PRKAR2B: variants seen among roughly 807,000 people sequenced by gnomAD.
PRKAR2B encodes cAMP-dependent protein kinase type II-beta regulatory subunit.
Under a neutral mutation model 49.9 loss-of-function variants are expected in PRKAR2B, and 14 were observed. The ratio of observed to expected loss-of-function variants is 0.28; its 90% CI spans 0.19 to 0.44. PRKAR2B has a LOEUF of 0.44. Among genes scored for constraint, PRKAR2B ranks in the 20% least tolerant of loss-of-function variants. PRKAR2B has a pLI of 1.00. For synonymous variants in PRKAR2B, 196 were observed against 197.7 expected (o/e 0.99, Z 0.07); for missense variants, 393 against 537.9 (o/e 0.73, Z 2.67).
At chr7:107,061,574 T>C (rs1470197517) in intron 1 of PRKAR2B, among the ~76,000 whole-genome samples, 4 of 152,160 alleles carry the variant, frequency 2.6e-5, no homozygotes, top group Admixed American at 6.5e-5. Flanking sequence ...AAGACCCTAA[T>C]CAAACTGAGC....
chr7:107,046,350 A>G (rs548410021), intron 1 of PRKAR2B, among the ~76,000 whole-genome samples: 24 of 152,348 alleles, frequency 1.6e-4, no homozygotes, highest in African/African-American at 5.8e-4. Context: ...AGTGTATTTC[A>G]TAAAATGAAA....
intron 2 of PRKAR2B, among the ~76,000 whole-genome samples, chr7:107,086,536 A>G (rs971377315): frequency 2.0e-5 from 3 of 151,900 alleles, no homozygotes; most frequent in Non-Finnish European, 4.4e-5. Flanking sequence ...GTGCAGTGGC[A>G]TGATCTCAGC....
At chr7:107,045,803 A>G (rs1198189823) in intron 1 of PRKAR2B, among the ~76,000 whole-genome samples, 1 of 152,220 alleles carries the variant, frequency 6.6e-6, no homozygotes, top group African/African-American at 2.4e-5. Flanking sequence ...CAATTTACCA[A>G]TACCGTGTTG....
chr7:107,145,790 A>G (rs1298620142), intron 5 of PRKAR2B, among the ~76,000 whole-genome samples: 2 of 131,106 alleles, frequency 1.5e-5, no homozygotes, highest in African/African-American at 6.1e-5. Flanking sequence ...CCCAGGCTGG[A>G]GTGCAGTGGC....
rs570967400 is a variant in PRKAR2B at position 107,044,811 on chromosome 7, C to T, written c.-97C>T. 3.5e-5 allele frequency: 35 copies of T among 1,010,350 alleles called. No homozygotes were observed. In the African/African-American group the frequency reaches 5.5e-4, roughly 16 times the overall value. 62.6% of individuals were successfully genotyped at this position (1,010,350 alleles called of 1,614,324 possible). On this transcript the variant is annotated 5_prime_UTR_variant, in exon 1 of 11. Transcript: ENST00000265717. ...GCCGCGCTCGCAGCCGGTAGCGCGC[C>T]AGCGCCGTAGGCGCTCGCTCGGCAG... is the stretch of plus-strand genomic sequence containing the variant.
chr7:107,044,875 C>CGGCGCCCA lies in PRKAR2B; in HGVS notation c.-26_-19dup. 1 of 1,550,392 alleles carries CGGCGCCCA rather than the reference C, an allele frequency of 6.4e-7. No individual in the cohort carries two copies. The highest frequency in any genetic ancestry group is 8.7e-7 in the Non-Finnish European group (1 of 1,152,566). ...GGCCGTGCCGGGGAGGGGGCGAGGG[C>CGGCGCCCA]GGCGCCCAGGCGCCTGCCGCCCCGG... On this transcript the variant is annotated 5_prime_UTR_variant, in exon 1 of 11. Transcript: ENST00000265717.
At chr7:107,121,283 T>C (rs969058888) in intron 2 of PRKAR2B, among the ~76,000 whole-genome samples, 5 of 152,142 alleles carry the variant, frequency 3.3e-5, no homozygotes, top group Non-Finnish European at 7.4e-5. Context: ...TGAAGGTGTT[T>C]ACTGCAAAGT....
chr7:107,110,072 G>A (rs191452132), intron 2 of PRKAR2B, among the ~76,000 whole-genome samples: 8 of 152,322 alleles, frequency 5.3e-5, no homozygotes, highest in Admixed American at 1.3e-4. Flanking sequence ...AGCAGTGGCC[G>A]CATGGTGCAG....
At chr7:107,051,683 G>A (rs1793806907) in intron 1 of PRKAR2B, among the ~76,000 whole-genome samples, 1 of 151,988 alleles carries the variant, frequency 6.6e-6, no homozygotes, top group Admixed American at 6.6e-5. Context: ...AACAGTTGGT[G>A]TAACATTTAT....
At chr7:107,066,301 G>GGGGGGTGTGTGTGT (rs147673007) in intron 1 of PRKAR2B, among the ~76,000 whole-genome samples, 3 of 145,512 alleles carry the variant, frequency 2.1e-5, no homozygotes, top group African/African-American at 7.8e-5. Context: ...CTCTATGTGG[G>GGGGGGTGTGTGTGT]GTGTGTGTGT....
At chr7:107,153,089 C>T in intron 7 of PRKAR2B, 88 bp from the exon 8 acceptor site, 1 of 866,290 alleles carries the variant, frequency 1.2e-6, no homozygotes, top group South Asian at 1.8e-5. Context: ...TTTATTTGGC[C>T]TATAGGCTAC....
rs1029898861 is a variant in PRKAR2B, at chr7:107,044,757, G to A, written c.-151G>A. 5 of 290,282 alleles carry A rather than the reference G, an allele frequency of 1.7e-5. No individual in the cohort carries two copies. The highest frequency in any genetic ancestry group is 1.2e-4 in the South Asian group (1 of 8,348). The allele number at this position is 290,282 out of a possible 1,614,324, so 18.0% of individuals were successfully genotyped here. A position where few individuals can be genotyped will look rare whatever the true frequency, so the allele number is the denominator to read the frequency against. On this transcript the variant is annotated 5_prime_UTR_variant, in exon 1 of 11. Transcript: ENST00000265717. Reference sequence around the variant, plus strand: ...AGACGCGCGCCGGGAGCCGCGGGCCGGGCCAGCCGGGCCGCCGGGGCCCAG... The same window carrying A: ...AGACGCGCGCCGGGAGCCGCGGGCCAGGCCAGCCGGGCCGCCGGGGCCCAG...
chr7:107,145,568 G>T (rs1277580948), intron 5 of PRKAR2B, among the ~76,000 whole-genome samples: 1 of 152,006 alleles, frequency 6.6e-6, no homozygotes, highest in Admixed American at 6.5e-5. Flanking sequence ...TTCTTCAGAT[G>T]ATTTTCTTTC....
At chr7:107,056,475 A>G (rs1341253087) in intron 1 of PRKAR2B, among the ~76,000 whole-genome samples, 6 of 152,050 alleles carry the variant, frequency 3.9e-5, no homozygotes, top group African/African-American at 1.4e-4. Flanking sequence ...ATTTGTTTGT[A>G]TCCTCTTTTA....
chr7:107,065,074 G>A (rs1356415548), intron 1 of PRKAR2B, among the ~76,000 whole-genome samples: 1 of 152,110 alleles, frequency 6.6e-6, no homozygotes, highest in African/African-American at 2.4e-5. Flanking sequence ...ATCTTACATG[G>A]TTTCAATTTA....
intron 4 of PRKAR2B, among the ~76,000 whole-genome samples, chr7:107,132,277 G>A (rs966047282): frequency 5.9e-5 from 9 of 152,240 alleles, no homozygotes; most frequent in African/African-American, 2.2e-4. Context: ...GAGCTAAGAT[G>A]TGGATGCTTT....
chr7:107,127,531 A>G (rs1562865392), intron 3 of PRKAR2B, among the ~76,000 whole-genome samples: 2 of 152,196 alleles, frequency 1.3e-5, no homozygotes, highest in African/African-American at 2.4e-5. Context: ...AATATAGCAC[A>G]CTAGTTTCCT....
At chr7:107,053,515 GAT>G (rs906691150) in intron 1 of PRKAR2B, among the ~76,000 whole-genome samples, 15 of 141,678 alleles carry the variant, frequency 1.1e-4, no homozygotes, top group Middle Eastern at 3.6e-3. Flanking sequence ...CAAGCTTCTA[GAT>G]TATAAAGAGT....
chr7:107,142,986 C>T (rs1795816412), intron 5 of PRKAR2B, among the ~76,000 whole-genome samples: 1 of 152,168 alleles, frequency 6.6e-6, no homozygotes, highest in African/African-American at 2.4e-5. Flanking sequence ...TGGTCTCGAA[C>T]TCCTGCCTTC....
Sources: allele counts gnomAD v4.1 joint callset (sites outside exome capture counted in the v4.1 genomes callset), GRCh38; gene constraint gnomAD v4.1.1; transcripts MANE v1.5; gene names NCBI Gene and HGNC (gene_info 2026-07-23, HGNC 2026-07-21).